The following TGFBR1 variants were observed in gnomAD, a reference collection of about 807,000 sequenced individuals.
The protein encoded by TGFBR1 is transforming growth factor beta receptor 1.
A neutral mutation model predicts 55.1 loss-of-function variants in TGFBR1; 20 were observed. The observed-to-expected ratio is 0.36, with a 90% CI of 0.26 to 0.53. The LOEUF (loss-of-function observed/expected upper bound fraction) is 0.53. Ranked by LOEUF, TGFBR1 falls within the 20% of genes least tolerant of loss-of-function variation. The pLI is 0.91. For missense variants in TGFBR1, 385 were observed against 617.6 expected, an observed-to-expected ratio of 0.62 and a Z score of 3.99; for synonymous variants, 220 against 214.8, an observed-to-expected ratio of 1.02 and a Z score of -0.21.
intron 1 of TGFBR1, among the ~76,000 whole-genome samples, chr9:99,111,106 G>C (rs141323353): frequency 2.0e-5 from 3 of 152,064 alleles, no homozygotes; most frequent in African/African-American, 4.8e-5. Context: ...ATATTTTTAG[G>C]TAATTTGAAT....
At chr9:99,137,737 A>T in intron 3 of TGFBR1, 122 bp from the exon 4 acceptor site, 1 of 743,938 alleles carries the variant, frequency 1.3e-6, no homozygotes, top group Non-Finnish European at 2.4e-6. Context: ...CCCCAGTGAG[A>T]TAAATTCCTA....
At chr9:99,119,446 A>G (rs557807987) in intron 1 of TGFBR1, among the ~76,000 whole-genome samples, 9 of 152,332 alleles carry the variant, frequency 5.9e-5, no homozygotes, top group East Asian at 1.9e-4. Context: ...GTTTTGTCCT[A>G]CGTGAGGGGT....
intron 1 of TGFBR1, among the ~76,000 whole-genome samples, chr9:99,120,247 A>C (rs11466454): frequency 2.6e-5 from 4 of 152,222 alleles, no homozygotes; most frequent in African/African-American, 7.2e-5. Flanking sequence ...AGTTCCATCA[A>C]CTTAACTACC....
intron 8 of TGFBR1, 85 bp downstream of exon 8, chr9:99,147,869 A>G: frequency 2.6e-6 from 4 of 1,534,406 alleles, no homozygotes; most frequent in Non-Finnish European, 2.7e-6. Context: ...TTTAAGGAAA[A>G]CTTTTCTTTA....
At chr9:99,107,782 C>G (rs146061533) in intron 1 of TGFBR1, among the ~76,000 whole-genome samples, 1 of 152,318 alleles carries the variant, frequency 6.6e-6, no homozygotes, top group East Asian at 1.9e-4. Flanking sequence ...GATCTCATTT[C>G]TCATTACTGC....
intron 1 of TGFBR1, chr9:99,127,777 T>C (rs1827081515): frequency 5.4e-6 from 2 of 367,206 alleles, no homozygotes; most frequent in South Asian, 4.1e-5. Context: ...CAACAAGTAA[T>C]TGGAATGTTT....
At chr9:99,132,213 G>A (rs1170856188) in intron 2 of TGFBR1, among the ~76,000 whole-genome samples, 1 of 152,194 alleles carries the variant, frequency 6.6e-6, no homozygotes, top group Non-Finnish European at 1.5e-5. Context: ...GTGACCTGAT[G>A]TGATAAGTGG....
chr9:99,129,967 C>G (rs941402837), intron 2 of TGFBR1, among the ~76,000 whole-genome samples: 1 of 151,968 alleles, frequency 6.6e-6, no homozygotes, highest in Non-Finnish European at 1.5e-5. Context: ...ACTTCATAAA[C>G]TTTTTAATTT....
rs1229094505 is a variant in TGFBR1, at chr9:99,112,703, A to C, written c.97+7401A>C. Among the ~76,000 whole-genome samples, 8 of 152,300 alleles carry C rather than the reference A, an allele frequency of 5.3e-5. No individual in the cohort carries two copies. The East Asian group carries it at 1.5e-3, about 29-fold the overall frequency. Reference sequence around the variant, plus strand: ...CATGAAAGAAAAAAGAATGACTCCAAGCTTTTTTAGGCTGGATAATGCCTT... The same window carrying C: ...CATGAAAGAAAAAAGAATGACTCCACGCTTTTTTAGGCTGGATAATGCCTT... On this transcript the variant is annotated intron_variant, in intron 1 of 8. Coordinates refer to ENST00000374994, the MANE Select transcript of TGFBR1 (RefSeq NM_004612.4).
At position 99,152,601 on chromosome 9, in the gene TGFBR1, G is replaced by A. The variant is rs200228516; in HGVS notation, c.*3296G>A. On this transcript the variant is annotated 3_prime_UTR_variant, in exon 9 of 9. Transcript: ENST00000374994. ...ACAAGATGGCAAAGAGATCGTTAGA[G>A]TGCACAACAAAATCACTATCCCATT... The A allele has an allele frequency of 4.4e-6, 1 of 228,836 alleles. No homozygotes were observed. Among genetic ancestry groups the A allele is most frequent in the Non-Finnish European group, 8.7e-6 (1 of 115,180 alleles). The allele number at this position is 228,836 out of a possible 1,614,324, so 14.2% of individuals were successfully genotyped here. A position where few individuals can be genotyped will look rare whatever the true frequency, so the allele number is the denominator to read the frequency against.
intron 1 of TGFBR1, among the ~76,000 whole-genome samples, chr9:99,116,102 A>G (rs973584223): frequency 2.0e-5 from 3 of 151,264 alleles, no homozygotes; most frequent in Non-Finnish European, 4.4e-5. Flanking sequence ...ATTTCGATGC[A>G]TGTATAAACT....
rs1168487062 is a variant in TGFBR1 at position 99,149,453 on chromosome 9, C to T, written c.*148C>T. On this transcript the variant is annotated 3_prime_UTR_variant, in exon 9 of 9. Coordinates refer to ENST00000374994, the MANE Select transcript of TGFBR1 (RefSeq NM_004612.4). ...TGTAATAAAGTCAATTAAAAACTTC[C>T]CAGGATTTCTTTGGACCCAGGAAAC... 3 of 1,170,034 alleles carry T rather than the reference C, an allele frequency of 2.6e-6. No homozygotes were observed. Among genetic ancestry groups the T allele is most frequent in the Admixed American group, 2.0e-5 (1 of 50,002 alleles). 72.5% of individuals were successfully genotyped at this position (1,170,034 alleles called of 1,614,324 possible). A position where few individuals can be genotyped will look rare whatever the true frequency, so the allele number is the denominator to read the frequency against.
chr9:99,124,663 A>G (rs575706690), intron 1 of TGFBR1, among the ~76,000 whole-genome samples: 31 of 152,314 alleles, frequency 2.0e-4, no homozygotes, highest in African/African-American at 7.2e-4. Context: ...ATCTTGCCGT[A>G]TCACATAACA....
At position 99,150,077 on chromosome 9, in the gene TGFBR1, T is replaced by G. The variant is rs1827937508; in HGVS notation, c.*772T>G. 1 of 187,900 alleles carries G rather than the reference T, an allele frequency of 5.3e-6. No individual in the cohort carries two copies. The highest frequency in any genetic ancestry group is 6.2e-5 in the Admixed American group (1 of 16,218). The allele number at this position is 187,900 out of a possible 1,614,324, so 11.6% of individuals were successfully genotyped here. A position where few individuals can be genotyped will look rare whatever the true frequency, so the allele number is the denominator to read the frequency against. ...TAACCCAAACTTTTTCTGTTTTGTT[T>G]TTGGAAGGGTTTTTGTGGTATGTCA... On this transcript the variant is annotated 3_prime_UTR_variant, in exon 9 of 9. Coordinates refer to ENST00000374994, the MANE Select transcript of TGFBR1 (RefSeq NM_004612.4).
intron 1 of TGFBR1, among the ~76,000 whole-genome samples, chr9:99,119,065 T>G (rs958654197): frequency 6.6e-6 from 1 of 152,230 alleles, no homozygotes; most frequent in African/African-American, 2.4e-5. Flanking sequence ...TCTTTCTTCC[T>G]ACACAGGTTA....
At chr9:99,114,632 G>C (rs950355487) in intron 1 of TGFBR1, among the ~76,000 whole-genome samples, 1 of 152,200 alleles carries the variant, frequency 6.6e-6, no homozygotes, top group Non-Finnish European at 1.5e-5. Context: ...TTTCCCTAAT[G>C]CCAATGGAAC....
At position 99,115,951 on chromosome 9, in the gene TGFBR1, G is replaced by A. The variant is rs1159438623; in HGVS notation, c.97+10649G>A. On this transcript the variant is annotated intron_variant, in intron 1 of 8. Coordinates refer to ENST00000374994, the MANE Select transcript of TGFBR1 (RefSeq NM_004612.4). ...CAGTGAGGAAAGACAATTTCTGATTGCCAGTCCCACCAAAGCGTTGGCAGA... is the reference window on the plus strand; with the variant it reads ...CAGTGAGGAAAGACAATTTCTGATTACCAGTCCCACCAAAGCGTTGGCAGA... 2.0e-5 allele frequency among the ~76,000 whole-genome samples: 3 copies of A among 152,186 alleles called. No homozygotes were observed. The East Asian group carries it at 5.8e-4, about 29-fold the overall frequency.
chr9:99,113,885 A>G (rs189062855), intron 1 of TGFBR1, among the ~76,000 whole-genome samples: 1 of 152,330 alleles, frequency 6.6e-6, no homozygotes, highest in East Asian at 1.9e-4. Flanking sequence ...GGAACTATTC[A>G]GGCAGAGGCT....
chr9:99,133,670 T>C (rs1446919746), intron 3 of TGFBR1, among the ~76,000 whole-genome samples: 1 of 152,220 alleles, frequency 6.6e-6, no homozygotes, highest in African/African-American at 2.4e-5. Flanking sequence ...GAACCCATAC[T>C]GTTGATAAAA....
Sources: allele counts gnomAD v4.1 joint callset (sites outside exome capture counted in the v4.1 genomes callset), GRCh38; gene constraint gnomAD v4.1.1; transcripts MANE v1.5; gene names NCBI Gene and HGNC (gene_info 2026-07-23, HGNC 2026-07-21).